Variants in ACO1 observed in about 807,000 individuals in gnomAD.
The protein encoded by ACO1 is cytoplasmic aconitate hydratase.
In ACO1, 78 loss-of-function variants were observed where a neutral mutation model predicts 105.1. The ratio of observed to expected loss-of-function variants is 0.74; its 90% confidence interval spans 0.62 to 0.90. The LOEUF is 0.90. Among genes scored for constraint, ACO1 ranks in the 40% least tolerant of loss-of-function variants. The pLI is 0.00. For missense variants in ACO1, 965 were observed against 1,111.1 expected (o/e 0.87, Z 1.87); for synonymous variants, 364 against 397.4 (o/e 0.92, Z 1.00).
chr9:32,446,119 A>G (rs1822600722), intron 19 of ACO1, among the ~76,000 whole-genome samples: 1 of 152,172 alleles, frequency 6.6e-6, no homozygotes, highest in Non-Finnish European at 1.5e-5. Context: ...GTAGATGTCT[A>G]TTAGGTCAGC....
At chr9:32,447,612 G>A (rs1403849699) in intron 19 of ACO1, among the ~76,000 whole-genome samples, 4 of 152,138 alleles carry the variant, frequency 2.6e-5, no homozygotes, top group Admixed American at 2.6e-4. Flanking sequence ...TCCCTTGATG[G>A]TGAGGAGTTG....
intron 1 of ACO1, among the ~76,000 whole-genome samples, chr9:32,404,337 C>CT (rs1249996195): frequency 2.0e-5 from 3 of 152,154 alleles, no homozygotes; most frequent in Non-Finnish European, 4.4e-5. Flanking sequence ...CCCTCCGCCC[C>CT]TTTTTTCCAT....
At chr9:32,448,601 A>G (rs1030630257) in intron 19 of ACO1, among the ~76,000 whole-genome samples, 1 of 152,180 alleles carries the variant, frequency 6.6e-6, no homozygotes, top group Non-Finnish European at 1.5e-5. Flanking sequence ...TCCCTTGGCT[A>G]GGAGAGGAAG....
chr9:32,416,315 G>C lies in ACO1; in HGVS notation c.405-1813G>C, dbSNP rs559399606. ...TCACCATGTTGGCCAGTCTGGTCTTGAACTCCTGACCTCGTGATCTGCCCG... is the reference window on the plus strand; with the variant it reads ...TCACCATGTTGGCCAGTCTGGTCTTCAACTCCTGACCTCGTGATCTGCCCG... On this transcript the variant is annotated intron_variant, in intron 4 of 20. Coordinates refer to ENST00000309951, the MANE Select transcript of ACO1 (RefSeq NM_002197.3). Among the ~76,000 whole-genome samples the C allele has an allele frequency of 5.8e-4, 88 of 152,062 alleles. 3 individuals are homozygous for C. In the South Asian group the frequency reaches 8.9e-3, roughly 15 times the overall value.
chr9:32,405,036 T>C (rs564771926), intron 1 of ACO1, among the ~76,000 whole-genome samples: 2 of 152,320 alleles, frequency 1.3e-5, no homozygotes, highest in Middle Eastern at 3.4e-3. Flanking sequence ...GAGAAGGAAG[T>C]TGATTGGGCC....
In ACO1 at chr9:32,418,429, G is replaced by C; in HGVS notation, c.576G>C (p.Gln192His). The change falls in exon 6 of 21, where the codon CAG (glutamine) becomes CAC (histidine). Residue 192 changes from glutamine (Q) to histidine (H), a missense_variant. Coordinates refer to ENST00000309951, the MANE Select transcript of ACO1 (RefSeq NM_002197.3). The stretch of plus-strand genomic sequence containing the variant: ...ATTTGGCAAGAGTGGTATTTGATCA[G>C]GATGGATATTATTACCCAGACAGCC... ...LEYLARVVFD[Q>H]DGYYYPDSLV... 1.2e-6 allele frequency: 2 copies of C among 1,614,212 alleles called. No homozygotes were observed. The highest frequency in any genetic ancestry group is 1.7e-6 in the Non-Finnish European group (2 of 1,180,026).
chr9:32,433,756 C>T lies in ACO1; in HGVS notation c.1880C>T (p.Ala627Val). 6.2e-7 allele frequency: 1 copy of T among 1,612,546 alleles called. No individual in the cohort carries two copies. Among genetic ancestry groups the T allele is most frequent in the Non-Finnish European group, 8.5e-7 (1 of 1,179,670 alleles). Residue 627 changes from alanine (A) to valine (V), a missense_variant, in exon 16 of 21, where the codon GCA (alanine) becomes GTA (valine). Physicochemically the swap from Ala to Val is moderately conservative, Grantham distance 64 (BLOSUM62 0). Transcript: ENST00000309951. ...GTGAATGAAAGCTGGAATGCCTTAG[C>T]AACCCCATCAGATAAGCTGTTTTTC... ...ETVNESWNAL[A>V]TPSDKLFFWN...
At chr9:32,389,669 CTTTTT>C (rs5897504) in intron 1 of ACO1, among the ~76,000 whole-genome samples, 1 of 143,638 alleles carries the variant, frequency 7.0e-6, no homozygotes, top group Non-Finnish European at 1.5e-5. Context: ...GCCTTCATTT[CTTTTT>C]TTTTTTTTTT....
Position 32,421,022 on chromosome 9 carries a change from A to G in ACO1, c.965A>G (p.Gln322Arg). 6.2e-7 allele frequency: 1 copy of G among 1,613,904 alleles called. No individual in the cohort carries two copies. The highest frequency in any genetic ancestry group is 1.1e-5 in the South Asian group (1 of 91,050). The change falls in exon 8 of 21, where the codon CAA becomes CGA. Residue 322 changes from glutamine to arginine, a missense_variant. By Grantham distance (43) the Gln-to-Arg change is conservative. Transcript: ENST00000309951. ...GAAGTTAGTATCACGTACCTGGTGCAAACAGGTAAGTGAAGGGCCCTGAAA... is the reference window on the plus strand; with the variant it reads ...GAAGTTAGTATCACGTACCTGGTGCGAACAGGTAAGTGAAGGGCCCTGAAA... ...VDEVSITYLV[Q>R]TGRDEEKLKY...
At chr9:32,391,551 C>G (rs1821267851) in intron 1 of ACO1, among the ~76,000 whole-genome samples, 1 of 152,222 alleles carries the variant, frequency 6.6e-6, no homozygotes, top group Admixed American at 6.5e-5. Context: ...TGGTGTGGTT[C>G]TCTCTCATCC....
In ACO1 at chr9:32,419,831, G is replaced by A. The variant is rs572154952; in HGVS notation, c.798+654G>A. The stretch of plus-strand genomic sequence containing the variant: ...TCTTTTTCTGTGATTTGCTTGTTTT[G>A]TAAAAAGGCCATTTCGTTTTGGAAG... On this transcript the variant is annotated intron_variant, in intron 7 of 20. Coordinates refer to ENST00000309951, the MANE Select transcript of ACO1 (RefSeq NM_002197.3). Among the ~76,000 whole-genome samples, 17 of 152,272 alleles carry A rather than the reference G, an allele frequency of 1.1e-4. 1 individual carries two copies. Among genetic ancestry groups the A allele is most frequent in the African/African-American group, 3.8e-4 (16 of 41,572 alleles).
chr9:32,412,870 T>G (rs148998632), intron 4 of ACO1, among the ~76,000 whole-genome samples: 1 of 152,214 alleles, frequency 6.6e-6, no homozygotes, highest in Non-Finnish European at 1.5e-5. Flanking sequence ...TTAATGTTGA[T>G]GGGTTTACCT....
intron 4 of ACO1, among the ~76,000 whole-genome samples, chr9:32,411,334 T>C (rs1393642171): frequency 6.6e-6 from 1 of 152,310 alleles, no homozygotes; most frequent in Non-Finnish European, 1.5e-5. Flanking sequence ...GGAAATTGAT[T>C]AGTGGAGGGA....
rs943718982 is a variant in ACO1 at position 32,430,537 on chromosome 9, T to C, written c.1689T>C (p.Ala563=). 2.5e-6 allele frequency: 4 copies of C among 1,608,928 alleles called. No homozygotes were observed. Among genetic ancestry groups the C allele is most frequent in the Non-Finnish European group, 3.4e-6 (4 of 1,178,002 alleles). The change falls in exon 14 of 21, where the codon GCT becomes GCC. Residue 563 remains alanine, a synonymous_variant. Transcript: ENST00000309951. The stretch of plus-strand genomic sequence containing the variant: ...CCTTAGTAATAGCATATGCAATTGC[T>C]GGAACCATCAGAATCGACTTTGAGA... ...SPPLVIAYAI[A]GTIRIDFEKE...
intron 18 of ACO1, among the ~76,000 whole-genome samples, chr9:32,437,376 T>A (rs985405268): frequency 2.0e-5 from 3 of 152,194 alleles, no homozygotes; most frequent in Admixed American, 6.5e-5. Flanking sequence ...ACTGCCTCAC[T>A]CGTAACTGAT....
chr9:32,408,459 T>C, intron 3 of ACO1, 55 bp from the exon 4 acceptor site: 1 of 1,597,578 alleles, frequency 6.3e-7, no homozygotes, highest in East Asian at 2.2e-5. Context: ...AGCTGAAAAA[T>C]CCAGTTACAC....
intron 19 of ACO1, among the ~76,000 whole-genome samples, chr9:32,448,242 C>G (rs1005881136): frequency 2.0e-5 from 3 of 152,138 alleles, no homozygotes; most frequent in Non-Finnish European, 2.9e-5. Context: ...ATGCCCTGCC[C>G]AGAGAGGAGG....
chr9:32,449,374 GACATTTCACATTACCTAAA>G (rs1453767725), intron 20 of ACO1, among the ~76,000 whole-genome samples: 3 of 152,132 alleles, frequency 2.0e-5, no homozygotes, highest in African/African-American at 7.2e-5. Flanking sequence ...TCAGGGATGT[GACATTTCACATTACCTAAA>G]ACATTTCACT....
At chr9:32,418,834 G>C (rs1035266889) in intron 6 of ACO1, among the ~76,000 whole-genome samples, 1 of 152,156 alleles carries the variant, frequency 6.6e-6, no homozygotes, top group African/African-American at 2.4e-5. Context: ...ACAGGTGTTT[G>C]GGGGACCATG....
Sources: gnomAD v4.1 joint callset for allele counts (sites outside exome capture counted in the v4.1 genomes callset) on GRCh38, gnomAD v4.1.1 for gene constraint, MANE v1.5 for transcripts, NCBI Gene and HGNC (gene_info 2026-07-23, HGNC 2026-07-21) for gene names.